Variants in ADAMTS18 observed in about 807,000 individuals in gnomAD.
ADAMTS18 encodes the protein ADAM metallopeptidase with thrombospondin type 1 motif 18.
In ADAMTS18, 157 loss-of-function variants were observed where a neutral mutation model predicts 165.9. That is an observed-to-expected ratio of 0.95 (90% CI 0.83 to 1.08). ADAMTS18 has a LOEUF of 1.08. ADAMTS18 is among the 50% of genes least tolerant of loss of function. The pLI, the probability that ADAMTS18 is intolerant of heterozygous loss-of-function variation, is 0.00. For synonymous variants in ADAMTS18, 782 were observed against 578.2 expected, an observed-to-expected ratio of 1.35 and a Z score of -5.06; for missense variants, 2,040 against 1,534.0, an observed-to-expected ratio of 1.33 and a Z score of -5.51.
chr16:77,374,025 C>G (rs1290229081), intron 3 of ADAMTS18, among the ~76,000 whole-genome samples: 1 of 152,008 alleles, frequency 6.6e-6, no homozygotes, highest in Non-Finnish European at 1.5e-5. Context: ...TATAGACCAG[C>G]CTAGCCAACA....
At chr16:77,414,469 G>T (rs1251391425) in intron 3 of ADAMTS18, among the ~76,000 whole-genome samples, 2 of 152,112 alleles carry the variant, frequency 1.3e-5, no homozygotes, top group African/African-American at 2.4e-5. Flanking sequence ...CCAGTTTTAA[G>T]GAATTGGATT....
At chr16:77,367,350 T>G in intron 4 of ADAMTS18, 91 bp downstream of exon 4, 1 of 1,491,142 alleles carries the variant, frequency 6.7e-7, no homozygotes, top group Non-Finnish European at 9.3e-7. Context: ...TAGCCCCATT[T>G]TGACTTGCAA....
chr16:77,381,533 G>A (rs1197004814), intron 3 of ADAMTS18, among the ~76,000 whole-genome samples: 3 of 152,152 alleles, frequency 2.0e-5, no homozygotes, highest in African/African-American at 7.2e-5. Context: ...GCTGGGTGGG[G>A]TGGCTCACGC....
At chr16:77,318,938 C>T (rs932024207) in intron 16 of ADAMTS18, among the ~76,000 whole-genome samples, 2 of 152,048 alleles carry the variant, frequency 1.3e-5, no homozygotes, top group African/African-American at 4.8e-5. Flanking sequence ...ACAGTCAGCC[C>T]CATTTTACAA....
At chr16:77,285,866 C>T (rs1011187372) in intron 22 of ADAMTS18, among the ~76,000 whole-genome samples, 3 of 152,198 alleles carry the variant, frequency 2.0e-5, no homozygotes, top group African/African-American at 4.8e-5. Context: ...TCTAGTGGAA[C>T]CTCCTCCAAC....
intron 2 of ADAMTS18, 63 bp downstream of exon 2, chr16:77,434,355 G>C (rs890375118): frequency 3.1e-5 from 47 of 1,518,522 alleles, no homozygotes; most frequent in Non-Finnish European, 4.2e-5. Flanking sequence ...TTCTCTCTTT[G>C]GGGGAAGGAA....
At chr16:77,394,091 T>C (rs536406241) in intron 3 of ADAMTS18, among the ~76,000 whole-genome samples, 21 of 152,368 alleles carry the variant, frequency 1.4e-4, no homozygotes, top group South Asian at 1.2e-3. Flanking sequence ...ATTATAAAGA[T>C]TGATCCCCTG....
At chr16:77,353,705 G>GT in intron 10 of ADAMTS18, 28 bp downstream of exon 10, 3 of 1,614,144 alleles carry the variant, frequency 1.9e-6, no homozygotes, top group Non-Finnish European at 2.5e-6. Flanking sequence ...GAGTCTTAAT[G>GT]TAAGTTTGAA....
chr16:77,346,086 T>C (rs771089838), intron 10 of ADAMTS18, among the ~76,000 whole-genome samples: 4 of 152,182 alleles, frequency 2.6e-5, no homozygotes, highest in Non-Finnish European at 5.9e-5. Flanking sequence ...CTTCTTCAAC[T>C]ATCTGCATCT....
intron 8 of ADAMTS18, among the ~76,000 whole-genome samples, chr16:77,358,041 C>T (rs2056656772): frequency 6.6e-6 from 1 of 152,232 alleles, no homozygotes; most frequent in Admixed American, 6.5e-5. Flanking sequence ...CAAACTTAGA[C>T]ATACATTTGA....
At chr16:77,286,831 T>C (rs2055261251) in intron 22 of ADAMTS18, among the ~76,000 whole-genome samples, 1 of 152,166 alleles carries the variant, frequency 6.6e-6, no homozygotes, top group South Asian at 2.1e-4. Flanking sequence ...CTCTGGGTGG[T>C]ATGACTGCTT....
chr16:77,305,767 A>G (rs2055670281), intron 16 of ADAMTS18, among the ~76,000 whole-genome samples: 1 of 152,198 alleles, frequency 6.6e-6, no homozygotes, highest in Non-Finnish European at 1.5e-5. Flanking sequence ...CAAACCACAG[A>G]CAGCCTCTCC....
intron 3 of ADAMTS18, among the ~76,000 whole-genome samples, chr16:77,409,040 G>GTA (rs555547669): frequency 3.1e-4 from 47 of 151,916 alleles, no homozygotes; most frequent in African/African-American, 1.1e-3. Flanking sequence ...ATAAGTATGT[G>GTA]TATATATATA....
rs369596562 is a variant in ADAMTS18, at chr16:77,431,696, C to A, written c.179-85G>T. On this transcript the variant is annotated intron_variant, in intron 2 of 22. Coordinates refer to ENST00000282849, the MANE Select transcript of ADAMTS18 (RefSeq NM_199355.4). ...TCCAGCAAGCTGGCAAAGAGCAACA[C>A]AAAGCTCAAAGATATCTTTGTTCCT... The A allele has an allele frequency of 5.8e-4, 782 of 1,352,742 alleles. 11 individuals carry two copies. In the South Asian group the frequency reaches 8.7e-3, roughly 15 times the overall value. The allele number at this position is 1,352,742 out of a possible 1,614,324, so 83.8% of individuals were successfully genotyped here.
At chr16:77,333,899 TAATA>T (rs1172586350) in intron 12 of ADAMTS18, among the ~76,000 whole-genome samples, 1 of 145,696 alleles carries the variant, frequency 6.9e-6, no homozygotes, top group Non-Finnish European at 1.5e-5. Flanking sequence ...ATTAATAGTA[TAATA>T]TATAGTGTCC....
intron 10 of ADAMTS18, among the ~76,000 whole-genome samples, chr16:77,346,707 G>C (rs1390890044): frequency 6.6e-6 from 1 of 152,148 alleles, no homozygotes; most frequent in African/African-American, 2.4e-5. Flanking sequence ...GTATGCCTGA[G>C]TTTATTGCCC....
Position 77,291,404 on chromosome 16 carries a change from C to G in ADAMTS18, c.3264G>C (p.Leu1088=), listed in dbSNP as rs2055361441. Residue 1088 remains leucine, a synonymous_variant, in exon 21 of 23, where the codon CTG becomes CTC. Transcript: ENST00000282849. ...GGCATCTTCGCTCTGGGAAAGTTAT[C>G]AGCTTTCCCTGGAAGCCCTTCTCGC... ...KCSEKGFQGK[L]ITFPERRCRN... is the part of the protein sequence containing the mutation. 6.2e-7 allele frequency: 1 copy of G among 1,614,166 alleles called. No individual in the cohort carries two copies. The highest frequency in any genetic ancestry group is 8.5e-7 in the Non-Finnish European group (1 of 1,180,010).
intron 16 of ADAMTS18, among the ~76,000 whole-genome samples, chr16:77,318,568 C>A (rs1262912973): frequency 6.6e-6 from 1 of 152,158 alleles, no homozygotes; most frequent in Non-Finnish European, 1.5e-5. Flanking sequence ...AATGCCTGAA[C>A]CTACTCTATT....
At chr16:77,330,941 G>A (rs533652287) in intron 12 of ADAMTS18, among the ~76,000 whole-genome samples, 5 of 152,282 alleles carry the variant, frequency 3.3e-5, no homozygotes, top group African/African-American at 1.2e-4. Context: ...AGAAAAAACA[G>A]CATTACTGCA....
Sources: allele counts gnomAD v4.1 joint callset (sites outside exome capture counted in the v4.1 genomes callset), GRCh38; gene constraint gnomAD v4.1.1; transcripts MANE v1.5; gene names NCBI Gene and HGNC (gene_info 2026-07-23, HGNC 2026-07-21).